The following MPHOSPH9 variants were observed in gnomAD, a reference collection of about 807,000 sequenced individuals.
MPHOSPH9 encodes the protein M-phase phosphoprotein 9.
Under a neutral mutation model 145.5 loss-of-function variants are expected in MPHOSPH9, and 88 were observed. The ratio of observed to expected loss-of-function variants is 0.60; its 90% CI spans 0.51 to 0.72. The LOEUF is 0.72. Among genes scored for constraint, MPHOSPH9 ranks in the 30% least tolerant of loss-of-function variants. The probability of loss-of-function intolerance (pLI) is 0.00; values close to 1 mark genes in which losing one functional copy is unlikely to be tolerated. For synonymous variants in MPHOSPH9, 435 were observed against 486.2 expected (o/e 0.89, Z 1.39); for missense variants, 1,238 against 1,386.6 (o/e 0.89, Z 1.70).
At chr12:123,163,375 T>A in intron 19 of MPHOSPH9, 1 of 395,880 alleles carries the variant, frequency 2.5e-6, no homozygotes, top group Non-Finnish European at 4.4e-6. Context: ...AAACTGGTTT[T>A]TCAGGATTTT....
upstream of MPHOSPH9, chr12:123,233,144 CG>C (rs1299299527): frequency 2.9e-5 from 1 of 34,072 alleles, no homozygotes; most frequent in Non-Finnish European, 2.3e-4. Flanking sequence ...CCCGAGGGAG[CG>C]CGCGCGCGCC....
At chr12:123,237,883 C>T (rs901360252), upstream of MPHOSPH9, among the ~76,000 whole-genome samples, 5 of 147,122 alleles carry the variant, frequency 3.4e-5, no homozygotes, top group African/African-American at 1.2e-4. Context: ...TACCATTTTA[C>T]AGACAGCACC....
intron 16 of MPHOSPH9, among the ~76,000 whole-genome samples, chr12:123,170,229 G>A (rs1007225692): frequency 3.3e-5 from 5 of 151,464 alleles, no homozygotes; most frequent in Admixed American, 1.3e-4. Flanking sequence ...TGCAACCTCC[G>A]CCTCTCAGGT....
At chr12:123,220,298 G>A (rs950600883) in intron 5 of MPHOSPH9, among the ~76,000 whole-genome samples, 8 of 151,884 alleles carry the variant, frequency 5.3e-5, no homozygotes, top group Non-Finnish European at 1.0e-4. Context: ...CAGGCACGGT[G>A]GCTCACACCA....
chr12:123,243,086 A>T (rs1565993086), intron 1 of MPHOSPH9, among the ~76,000 whole-genome samples: 1 of 152,214 alleles, frequency 6.6e-6, no homozygotes, highest in African/African-American at 2.4e-5. Context: ...TTTATCATTT[A>T]TCTTTTTCTA....
chr12:123,230,226 T>C (rs1257244929), intron 2 of MPHOSPH9, 35 bp downstream of exon 2: 1 of 1,146,850 alleles, frequency 8.7e-7, no homozygotes, highest in Non-Finnish European at 1.2e-6. Context: ...AAGGTTATTC[T>C]GATTTGGTAC....
chr12:123,203,089 A>C lies in MPHOSPH9; in HGVS notation c.1321-5T>G, dbSNP rs762769234. The stretch of plus-strand genomic sequence containing the variant: ...CGTAGGATCTAGAGTCAGGACCTGG[A>C]AACCAGACAACAACGAAGTCTTACC... On this transcript the variant is annotated splice_region_variant and splice_polypyrimidine_tract_variant and intron_variant, in intron 9 of 23. Coordinates refer to ENST00000606320, the MANE Select transcript of MPHOSPH9 (RefSeq NM_022782.4). 16 of 1,608,100 alleles carry C rather than the reference A, an allele frequency of 9.9e-6. No individual in the cohort carries two copies. The highest frequency in any genetic ancestry group is 1.4e-5 in the Non-Finnish European group (16 of 1,177,632).
At position 123,159,124 on chromosome 12, in the gene MPHOSPH9, C is replaced by A. The variant is rs1329073549; in HGVS notation, c.3450+1657G>T. Among the ~76,000 whole-genome samples, 2 of 152,160 alleles carry A rather than the reference C, an allele frequency of 1.3e-5. No homozygotes were observed. Among genetic ancestry groups the A allele is most frequent in the Admixed American group, 1.3e-4 (2 of 15,276 alleles). On this transcript the variant is annotated intron_variant, in intron 23 of 23. Transcript: ENST00000606320. The surrounding 1 kb of genome is among the most constrained non-coding windows in gnomAD (Gnocchi z 4.3). ...TAAATAAAAGATTAGCCAAGACAAC[C>A]CCACACCTTTTAAAAAATGATCACA... is the stretch of plus-strand genomic sequence containing the variant.
At position 123,162,151 on chromosome 12, in the gene MPHOSPH9, T is replaced by G. The variant is rs752074107; in HGVS notation, c.3097A>C (p.Lys1033Gln). Residue 1033 changes from lysine (K) to glutamine (Q), a missense_variant, in exon 21 of 24, where the codon AAG becomes CAG. Physicochemically the swap from Lys to Gln is moderately conservative, Grantham distance 53 (BLOSUM62 1). Around this residue, in one of 3 missense-constraint regions of MPHOSPH9, gnomAD observed 393 missense variants for 462.5 expected, o/e 0.85. Transcript: ENST00000606320. The part of the protein sequence containing the change: ...VSTLQRTNPR[K>Q]QLQFLPLDDS... ...TCTAGAGGAAGAAACTGGAGTTGCT[T>G]TCTTGGATTGGTACGTTGTAATGTA... 2 of 1,588,354 alleles carry G rather than the reference T, an allele frequency of 1.3e-6. No homozygotes were observed. Among genetic ancestry groups the G allele is most frequent in the Non-Finnish European group, 1.7e-6 (2 of 1,165,668 alleles).
At chr12:123,225,255 G>T (rs2047388259) in intron 3 of MPHOSPH9, among the ~76,000 whole-genome samples, 1 of 137,912 alleles carries the variant, frequency 7.3e-6, no homozygotes, top group East Asian at 3.6e-4. Context: ...ACTAACCTGG[G>T]CAACATAGCA....
intron 16 of MPHOSPH9, among the ~76,000 whole-genome samples, chr12:123,174,503 G>A (rs2044738988): frequency 6.6e-6 from 1 of 151,852 alleles, no homozygotes; most frequent in Non-Finnish European, 1.5e-5. Context: ...CTCCTGAGTA[G>A]CTGGGACTAC....
At chr12:123,220,138 G>C (rs1424626626) in intron 5 of MPHOSPH9, among the ~76,000 whole-genome samples, 1 of 152,076 alleles carries the variant, frequency 6.6e-6, no homozygotes, top group Non-Finnish European at 1.5e-5. Context: ...AGGTTGCAGT[G>C]AGCTGCGATC....
intron 1 of MPHOSPH9, among the ~76,000 whole-genome samples, chr12:123,230,957 T>C (rs1245168221): frequency 6.6e-6 from 1 of 152,104 alleles, no homozygotes; most frequent in Non-Finnish European, 1.5e-5. Context: ...TGATAAAAAA[T>C]TCTGGAATTA....
intron 13 of MPHOSPH9, among the ~76,000 whole-genome samples, chr12:123,185,084 G>GT (rs2045381593): frequency 6.6e-6 from 1 of 151,998 alleles, no homozygotes; most frequent in South Asian, 2.1e-4. Context: ...GATTATAGGC[G>GT]TGAGCCACCA....
chr12:123,168,173 C>G (rs941879358), intron 16 of MPHOSPH9, among the ~76,000 whole-genome samples: 1 of 152,050 alleles, frequency 6.6e-6, no homozygotes, highest in African/African-American at 2.4e-5. Context: ...CACCTTTCAC[C>G]ACACCTGACT....
At chr12:123,241,465 A>C (rs944967945) in intron 1 of MPHOSPH9, among the ~76,000 whole-genome samples, 1 of 151,992 alleles carries the variant, frequency 6.6e-6, no homozygotes, top group Non-Finnish European at 1.5e-5. Context: ...AGTCCTCCCA[A>C]GTAGCTGGGA....
At chr12:123,165,918 A>G (rs1416055755) in intron 17 of MPHOSPH9, among the ~76,000 whole-genome samples, 1 of 152,244 alleles carries the variant, frequency 6.6e-6, no homozygotes, top group African/African-American at 2.4e-5. Context: ...AGAGTTGACA[A>G]TTATACTCCA....
chr12:123,174,221 T>C (rs976371710), intron 16 of MPHOSPH9, among the ~76,000 whole-genome samples: 2 of 152,166 alleles, frequency 1.3e-5, no homozygotes, highest in Non-Finnish European at 2.9e-5. Flanking sequence ...TGTTTTCCTC[T>C]AGCTTTTTGG....
chr12:123,207,868 AG>A (rs1163237318), intron 8 of MPHOSPH9, among the ~76,000 whole-genome samples: 2 of 56,510 alleles, frequency 3.5e-5, no homozygotes, highest in African/African-American at 1.2e-4. Context: ...AAAAAAAAAA[AG>A]AAAAAAAAAA....
Sources: gnomAD v4.1 joint callset for allele counts (sites outside exome capture counted in the v4.1 genomes callset) on GRCh38, gnomAD v4.1.1 for gene constraint, gnomAD v4.1.1 regional missense constraint, Gnocchi (gnomAD v3.1) non-coding constraint, MANE v1.5 for transcripts, NCBI Gene and HGNC (gene_info 2026-07-23, HGNC 2026-07-21) for gene names.